The following PVT1 variants were observed in gnomAD, a reference collection of about 807,000 sequenced individuals.
PVT1 encodes CXCR4/PVT1 fusion.
At chr8:127,870,201 A>G (rs976889632) in intron 2 of PVT1, among the ~76,000 whole-genome samples, 2 of 152,188 alleles carry the variant, frequency 1.3e-5, no homozygotes, top group Non-Finnish European at 2.9e-5. Context: ...AGGAGAAGAG[A>G]GGGACATAGG....
At chr8:127,919,644 T>A (rs992172704) in intron 3 of PVT1, among the ~76,000 whole-genome samples, 18 of 152,188 alleles carry the variant, frequency 1.2e-4, no homozygotes, top group Non-Finnish European at 2.1e-4. Context: ...AGATCAGATG[T>A]CTGACCTTCC....
At chr8:127,912,204 G>A (rs1034499024) in intron 3 of PVT1, among the ~76,000 whole-genome samples, 1 of 152,214 alleles carries the variant, frequency 6.6e-6, no homozygotes, top group Non-Finnish European at 1.5e-5. Context: ...CATGTAGACA[G>A]TTTAGGAAGA....
intron 4 of PVT1, among the ~76,000 whole-genome samples, chr8:128,020,363 C>A (rs1324518672): frequency 6.6e-6 from 1 of 152,120 alleles, no homozygotes; most frequent in Non-Finnish European, 1.5e-5. Flanking sequence ...ATCACACGGG[C>A]CCTTAAAGGC....
chr8:127,991,628 A>G (rs1217424275), intron 4 of PVT1, among the ~76,000 whole-genome samples: 2 of 152,146 alleles, frequency 1.3e-5, no homozygotes, highest in East Asian at 3.9e-4. Flanking sequence ...GAAGCTTGGC[A>G]GGTCTGTCTC....
chr8:127,876,984 TC>T (rs1226880811), intron 2 of PVT1, among the ~76,000 whole-genome samples: 1 of 152,152 alleles, frequency 6.6e-6, no homozygotes, highest in Non-Finnish European at 1.5e-5. Flanking sequence ...GAGCGTGACC[TC>T]CCCGGAAGCC....
rs1196268078 is a variant in PVT1, at chr8:128,013,923, G to A, written n.912+24632G>A. Reference sequence around the variant, plus strand: ...TAAACATCACATCCTGAGATGCTGTGTTAAATCCTGGAGTCACAAAAGACC... The same window carrying A: ...TAAACATCACATCCTGAGATGCTGTATTAAATCCTGGAGTCACAAAAGACC... On this transcript the variant is annotated intron_variant and non_coding_transcript_variant, in intron 4 of 10. Coordinates refer to ENST00000651587, the Ensembl canonical transcript of PVT1. Among the ~76,000 whole-genome samples the A allele has an allele frequency of 2.0e-5, 3 of 152,320 alleles. No individual in the cohort carries two copies. In the East Asian group the frequency reaches 5.8e-4, roughly 29 times the overall value.
chr8:128,053,959 T>C (rs1024463360), intron 4 of PVT1, among the ~76,000 whole-genome samples: 5 of 152,230 alleles, frequency 3.3e-5, no homozygotes, highest in African/African-American at 1.2e-4. Context: ...CTTCCTGGCC[T>C]GATTGACACA....
chr8:127,819,811 A>G (rs1814709625), intron 2 of PVT1, among the ~76,000 whole-genome samples: 1 of 152,198 alleles, frequency 6.6e-6, no homozygotes, highest in Non-Finnish European at 1.5e-5. Flanking sequence ...TTAACATTGG[A>G]AAGGATTTCT....
intron 4 of PVT1, among the ~76,000 whole-genome samples, chr8:127,989,775 GGAGGTAAAGGGTTA>G (rs1817010385): frequency 6.6e-6 from 1 of 152,300 alleles, no homozygotes; most frequent in Non-Finnish European, 1.5e-5. Flanking sequence ...TGAGGGTGCA[GGAGGTAAAGGGTTA>G]GAGGTTAAGA....
At chr8:127,860,238 G>A (rs1815207789) in intron 2 of PVT1, among the ~76,000 whole-genome samples, 1 of 152,266 alleles carries the variant, frequency 6.6e-6, no homozygotes, top group East Asian at 1.9e-4. Flanking sequence ...TGGCAGAATC[G>A]GCTTCCAGCT....
chr8:127,807,869 G>A (rs192043057), intron 2 of PVT1, among the ~76,000 whole-genome samples: 309 of 151,520 alleles, frequency 2.0e-3, no homozygotes, highest in African/African-American at 7.2e-3. Context: ...CCAGGTTCAC[G>A]CCATTCTCCT....
chr8:127,930,047 C>T (rs1816184625), intron 3 of PVT1, among the ~76,000 whole-genome samples: 1 of 152,208 alleles, frequency 6.6e-6, no homozygotes. Context: ...ACTACTCCCT[C>T]TCACATGCTG....
chr8:127,883,366 G>A lies in PVT1; in HGVS notation n.373-7223G>A, dbSNP rs1815490993. On this transcript the variant is annotated intron_variant and non_coding_transcript_variant, in intron 2 of 10. Transcript: ENST00000651587. ...GGATGCGCAGAGGTGGTCTGTTGGT[G>A]TTGGGTAGGGAATAGACGCAGCCTG... Among the ~76,000 whole-genome samples, 3 of 152,304 alleles carry A rather than the reference G, an allele frequency of 2.0e-5. No individual in the cohort carries two copies. In the South Asian group the frequency reaches 6.2e-4, roughly 32 times the overall value.
At chr8:127,971,616 G>A (rs2129964331) in intron 3 of PVT1, among the ~76,000 whole-genome samples, 1 of 152,306 alleles carries the variant, frequency 6.6e-6, no homozygotes, top group South Asian at 2.1e-4. Flanking sequence ...GAGCAGCCCA[G>A]CCTCTGGAAC....
At chr8:127,816,976 T>C (rs945158288) in intron 2 of PVT1, among the ~76,000 whole-genome samples, 2 of 152,124 alleles carry the variant, frequency 1.3e-5, no homozygotes, top group African/African-American at 4.8e-5. Flanking sequence ...ATTGATCTGT[T>C]CTCCAAGGAC....
intron 2 of PVT1, among the ~76,000 whole-genome samples, chr8:127,884,813 G>A (rs962562633): frequency 6.6e-6 from 1 of 152,226 alleles, no homozygotes; most frequent in Non-Finnish European, 1.5e-5. Context: ...GGCGGAGGGC[G>A]AGGTGCAGCC....
chr8:128,098,834 G>T (rs1055177745), intron 6 of PVT1, among the ~76,000 whole-genome samples: 2 of 152,078 alleles, frequency 1.3e-5, no homozygotes, highest in African/African-American at 4.8e-5. Context: ...GGACCCCCAG[G>T]GATCCTGGCC....
Position 128,092,549 on chromosome 8 carries a change from G to A in PVT1, n.1115-3969G>A, listed in dbSNP as rs192551942. Among the ~76,000 whole-genome samples the A allele has an allele frequency of 3.5e-4, 53 of 152,300 alleles. 1 individual carries two copies. In the East Asian group the frequency reaches 8.9e-3, roughly 26 times the overall value. The stretch of plus-strand genomic sequence containing the variant: ...CATACGTCATGCCCTGAAGCGTTCC[G>A]GAACCGGTAGGGGCTGCCTGTCCTG... On this transcript the variant is annotated intron_variant and non_coding_transcript_variant, in intron 5 of 10. Coordinates refer to ENST00000651587, the Ensembl canonical transcript of PVT1.
intron 2 of PVT1, among the ~76,000 whole-genome samples, chr8:127,853,390 G>A (rs1351842417): frequency 6.6e-6 from 1 of 152,152 alleles, no homozygotes; most frequent in Non-Finnish European, 1.5e-5. Context: ...AGTTTGAGGG[G>A]CCTCTTTAGC....
Sources: gnomAD v4.1 joint callset for allele counts (sites outside exome capture counted in the v4.1 genomes callset) on GRCh38, gnomAD v4.1.1 for gene constraint, MANE v1.5 for transcripts, NCBI Gene and HGNC (gene_info 2026-07-23, HGNC 2026-07-21) for gene names.